The following CREBBP variants were observed in gnomAD, a reference collection of about 807,000 sequenced individuals.
CREBBP encodes the protein CREB binding lysine acetyltransferase, also known as CREB-binding protein.
In CREBBP, 19 loss-of-function variants were observed where a neutral mutation model predicts 265.0. That is an observed-to-expected ratio of 0.07 (90% confidence interval 0.05 to 0.11). The LOEUF is 0.11. Among genes scored for constraint, CREBBP ranks in the 10% least tolerant of loss-of-function variants. CREBBP has a pLI of 1.00. For missense variants in CREBBP, 2,525 were observed against 3,219.0 expected (o/e 0.78, Z 5.22); for synonymous variants, 1,457 against 1,223.7 (o/e 1.19, Z -3.98).
chr16:3,828,496 A>G (rs1303636630), intron 2 of CREBBP, among the ~76,000 whole-genome samples: 1 of 152,220 alleles, frequency 6.6e-6, no homozygotes, highest in Non-Finnish European at 1.5e-5. Context: ...TACAGCATAC[A>G]AGGGTATGTT....
intron 2 of CREBBP, chr16:3,812,949 C>G (rs1681585716): frequency 4.7e-6 from 1 of 210,772 alleles, no homozygotes; most frequent in African/African-American, 2.3e-5. Context: ...TGGTGACTGC[C>G]ACGCCAGCAT....
chr16:3,758,540 T>G (rs1393808247), intron 17 of CREBBP, among the ~76,000 whole-genome samples: 1 of 152,150 alleles, frequency 6.6e-6, no homozygotes, highest in Admixed American at 6.5e-5. Context: ...GCCCAAATAT[T>G]TTTTTACAGT....
intron 2 of CREBBP, among the ~76,000 whole-genome samples, chr16:3,827,582 G>A (rs926982674): frequency 1.3e-5 from 2 of 151,994 alleles, no homozygotes; most frequent in Non-Finnish European, 2.9e-5. Context: ...TAGTGGAGAC[G>A]GGGTTTCACC....
Position 3,728,209 on chromosome 16 carries a change from C to G in CREBBP, c.6838G>C (p.Gly2280Arg), listed in dbSNP as rs753192214. The change falls in exon 31 of 31, where the codon GGG becomes CGG. Residue 2280 changes from glycine to arginine, a missense_variant. Coordinates refer to ENST00000262367, the MANE Select transcript of CREBBP (RefSeq NM_004380.3). The surrounding 1 kb of genome is among the most constrained non-coding windows in gnomAD (Gnocchi z 8.7). ...TGGATGTTGGGGGTGCTGTCTGCCC[C>G]CAGCCCCGGCTGCCCCATCTGGCCA... ...QLGQMGQPGL[G>R]ADSTPNIQQA... The G allele has an allele frequency of 6.2e-7, 1 of 1,613,780 alleles. No homozygotes were observed. The highest frequency in any genetic ancestry group is 8.5e-7 in the Non-Finnish European group (1 of 1,180,002).
chr16:3,867,502 C>G (rs1035215022), intron 1 of CREBBP, among the ~76,000 whole-genome samples: 2 of 151,992 alleles, frequency 1.3e-5, no homozygotes, highest in Admixed American at 6.6e-5. Flanking sequence ...AAACAAAAAA[C>G]AAGAAAACTT....
At chr16:3,836,129 G>A (rs992549596) in intron 2 of CREBBP, among the ~76,000 whole-genome samples, 1 of 151,966 alleles carries the variant, frequency 6.6e-6, no homozygotes, top group African/African-American at 2.4e-5. Context: ...AACAGGCAAA[G>A]CAATTCATGG....
chr16:3,748,971 C>A (rs1214646589), intron 21 of CREBBP, among the ~76,000 whole-genome samples: 2 of 152,148 alleles, frequency 1.3e-5, no homozygotes, highest in African/African-American at 4.8e-5. Context: ...CACAGTGAAA[C>A]CCCGTCTCTA....
intron 21 of CREBBP, chr16:3,745,650 A>G: frequency 2.2e-6 from 1 of 457,826 alleles, no homozygotes; most frequent in Non-Finnish European, 4.0e-6. Context: ...ACAAATACAT[A>G]TTTCACAGGC....
rs533504505 is a variant in CREBBP at position 3,725,902 on chromosome 16, G to A, written c.*1816C>T. 4.3e-6 allele frequency: 1 copy of A among 233,216 alleles called. No individual in the cohort carries two copies. The highest frequency in any genetic ancestry group is 1.8e-4 in the South Asian group (1 of 5,532). 14.4% of individuals were successfully genotyped at this position (233,216 alleles called of 1,614,324 possible). ...AAAGTGGGTTCTCTGGGTGCTGGGG[G>A]TGGTAGACTTAGGGGATGAACTTCA... On this transcript the variant is annotated 3_prime_UTR_variant, in exon 31 of 31. Coordinates refer to ENST00000262367, the MANE Select transcript of CREBBP (RefSeq NM_004380.3).
chr16:3,847,744 G>A (rs1317851233), intron 2 of CREBBP, among the ~76,000 whole-genome samples: 1 of 152,142 alleles, frequency 6.6e-6, no homozygotes, highest in Non-Finnish European at 1.5e-5. Context: ...ACACTCTCCA[G>A]GATAAATAGC....
chr16:3,862,515 A>G (rs761382631), intron 1 of CREBBP, among the ~76,000 whole-genome samples: 2 of 152,212 alleles, frequency 1.3e-5, no homozygotes, highest in Non-Finnish European at 2.9e-5. Context: ...ACTTACATTT[A>G]TACTAGAGCT....
intron 16 of CREBBP, among the ~76,000 whole-genome samples, chr16:3,766,204 T>C (rs182578017): frequency 6.6e-6 from 1 of 152,236 alleles, no homozygotes; most frequent in East Asian, 1.9e-4. Context: ...CTATGAAAAA[T>C]CCAGTGCTAT....
At chr16:3,859,195 T>C (rs1597069461) in intron 1 of CREBBP, among the ~76,000 whole-genome samples, 1 of 152,208 alleles carries the variant, frequency 6.6e-6, no homozygotes, top group East Asian at 1.9e-4. Flanking sequence ...AATTTTTATT[T>C]TTTATTTTTT....
Position 3,879,943 on chromosome 16 carries a change from G to T in CREBBP, c.-27C>A, listed in dbSNP as rs770230478. 6.2e-7 allele frequency: 1 copy of T among 1,601,446 alleles called. No homozygotes were observed. The highest frequency in any genetic ancestry group is 8.5e-7 in the Non-Finnish European group (1 of 1,173,890). On this transcript the variant is annotated 5_prime_UTR_variant, in exon 1 of 31. Coordinates refer to ENST00000262367, the MANE Select transcript of CREBBP (RefSeq NM_004380.3). The stretch of plus-strand genomic sequence containing the variant: ...TTCACCTGCTCGCGAAAACAGCCCC[G>T]GGCACGGGCGGCCGGGCCGGCGAGG...
At chr16:3,740,581 C>T in intron 23 of CREBBP, 32 bp from the exon 24 acceptor site, 1 of 1,613,794 alleles carries the variant, frequency 6.2e-7, no homozygotes, top group Non-Finnish European at 8.5e-7. Flanking sequence ...GGTGAGAGGG[C>T]TTCAACAGCA....
intron 20 of CREBBP, among the ~76,000 whole-genome samples, chr16:3,749,969 T>C (rs909577377): frequency 6.6e-6 from 1 of 152,282 alleles, no homozygotes; most frequent in African/African-American, 2.4e-5. Context: ...GGCGTGACCA[T>C]GGCTCACTGC....
At chr16:3,771,649 T>C (rs2053011900) in intron 13 of CREBBP, among the ~76,000 whole-genome samples, 2 of 151,938 alleles carry the variant, frequency 1.3e-5, no homozygotes. Flanking sequence ...GATTTTTGGA[T>C]CTGACAACCA....
At position 3,727,828 on chromosome 16, in the gene CREBBP, C is replaced by T. The variant is rs2151298497; in HGVS notation, c.7219G>A (p.Ala2407Thr). The change falls in exon 31 of 31, where the codon GCA (alanine) becomes ACA (threonine). Residue 2407 changes from alanine to threonine, a missense_variant. By Grantham distance (58) the Ala-to-Thr change is moderately conservative. Around this residue, in one of 19 missense-constraint regions of CREBBP, gnomAD observed 473 missense variants for 459.3 expected, o/e 1.03. Coordinates refer to ENST00000262367, the MANE Select transcript of CREBBP (RefSeq NM_004380.3). ...GGGGTGTTCAGCTGGGGGAGCATTG[C>T]ACTCTGTTCGGGGTTCCCCAAGTGT... is the stretch of plus-strand genomic sequence containing the variant. ...QGHLGNPEQS[A>T]MLPQLNTPSR... The T allele has an allele frequency of 6.2e-7, 1 of 1,614,154 alleles. No individual in the cohort carries two copies. The highest frequency in any genetic ancestry group is 1.1e-5 in the South Asian group (1 of 91,082).
At chr16:3,872,676 G>C (rs1209127768) in intron 1 of CREBBP, among the ~76,000 whole-genome samples, 2 of 152,252 alleles carry the variant, frequency 1.3e-5, no homozygotes, top group Non-Finnish European at 2.9e-5. Context: ...GGCACGGCCA[G>C]GAGCTTCAGA....
Sources: gnomAD v4.1 joint callset for allele counts (sites outside exome capture counted in the v4.1 genomes callset) on GRCh38, gnomAD v4.1.1 for gene constraint, gnomAD v4.1.1 regional missense constraint, Gnocchi (gnomAD v3.1) non-coding constraint, MANE v1.5 for transcripts, NCBI Gene and HGNC (gene_info 2026-07-23, HGNC 2026-07-21) for gene names.